AGMO: variants seen among roughly 807,000 people sequenced by gnomAD.
The protein encoded by AGMO is glyceryl-ether monooxygenase.
In AGMO, 75 loss-of-function variants were observed where a neutral mutation model predicts 60.2. That is an observed-to-expected ratio of 1.25 (90% CI 1.03 to 1.51). The LOEUF (loss-of-function observed/expected upper bound fraction) is 1.51. AGMO is among the 40% of genes most tolerant of loss of function. The pLI, the probability that AGMO is intolerant of heterozygous loss-of-function variation, is 0.00. For synonymous variants in AGMO, 261 were observed against 177.1 expected, an observed-to-expected ratio of 1.47 and a Z score of -3.76; for missense variants, 763 against 525.5, an observed-to-expected ratio of 1.45 and a Z score of -4.42.
At chr7:15,124,396 A>G in the AGMO span, among the ~76,000 whole-genome samples, 8 of 151,946 alleles carry the variant, frequency 5.3e-5, no homozygotes, top group Non-Finnish European at 1.2e-4. Flanking sequence ...TATCACGGCA[A>G]TAGAATTTTC....
chr7:15,360,397 T>C (rs1335174108), intron 12 of AGMO, among the ~76,000 whole-genome samples: 1 of 152,212 alleles, frequency 6.6e-6, no homozygotes, highest in Non-Finnish European at 1.5e-5. Flanking sequence ...AATCACCTAC[T>C]GTTGACCAGA....
chr7:15,159,547 C>T, the AGMO span, among the ~76,000 whole-genome samples: 2 of 152,100 alleles, frequency 1.3e-5, no homozygotes, highest in African/African-American at 4.8e-5. Context: ...TCTGTCATTG[C>T]CTTTCCTAGG....
intron 3 of AGMO, among the ~76,000 whole-genome samples, chr7:15,507,974 T>A (rs922566661): frequency 6.6e-6 from 1 of 152,042 alleles, no homozygotes; most frequent in South Asian, 2.1e-4. Flanking sequence ...CTCACTTTTG[T>A]CATTGTTAAA....
At chr7:15,380,612 A>AT (rs1402180443) in intron 10 of AGMO, among the ~76,000 whole-genome samples, 2 of 152,148 alleles carry the variant, frequency 1.3e-5, no homozygotes, top group Non-Finnish European at 2.9e-5. Flanking sequence ...AATCAATGCT[A>AT]TGCTTATTAA....
intron 5 of AGMO, among the ~76,000 whole-genome samples, chr7:15,415,677 A>G (rs1470439392): frequency 6.6e-6 from 1 of 152,236 alleles, no homozygotes; most frequent in Non-Finnish European, 1.5e-5. Flanking sequence ...TTAAGATAAA[A>G]CAAAGGTAAT....
chr7:15,397,385 C>T (rs936974612), intron 5 of AGMO, among the ~76,000 whole-genome samples: 8 of 151,964 alleles, frequency 5.3e-5, no homozygotes, highest in African/African-American at 1.4e-4. Flanking sequence ...ACCTCTCTCT[C>T]CCTCCACACC....
intron 12 of AGMO, among the ~76,000 whole-genome samples, chr7:15,269,691 T>A (rs569495558): frequency 7.9e-5 from 12 of 152,054 alleles, no homozygotes; most frequent in Non-Finnish European, 1.3e-4. Flanking sequence ...GGATTGGGCT[T>A]CTAGTGTATC....
chr7:15,415,010 T>A (rs1183001005), intron 5 of AGMO, among the ~76,000 whole-genome samples: 1 of 152,134 alleles, frequency 6.6e-6, no homozygotes, highest in East Asian at 1.9e-4. Context: ...AGAATAATGG[T>A]AAAAGTTAAA....
At chr7:15,473,233 T>C (rs1161588506) in intron 3 of AGMO, among the ~76,000 whole-genome samples, 1 of 151,708 alleles carries the variant, frequency 6.6e-6, no homozygotes, top group Non-Finnish European at 1.5e-5. Flanking sequence ...CAAAAGCAAG[T>C]TCTGAAATTG....
chr7:15,399,714 T>G (rs1583511039), intron 5 of AGMO, among the ~76,000 whole-genome samples: 1 of 152,104 alleles, frequency 6.6e-6, no homozygotes, highest in Admixed American at 6.6e-5. Context: ...GAAGAAGAGT[T>G]AAATATAAAA....
intron 12 of AGMO, among the ~76,000 whole-genome samples, chr7:15,212,528 G>C (rs973515182): frequency 6.6e-6 from 1 of 151,702 alleles, no homozygotes; most frequent in South Asian, 2.1e-4. Context: ...TTATAATGTT[G>C]TCATTCAATG....
chr7:15,313,835 T>C (rs532872673), intron 12 of AGMO, among the ~76,000 whole-genome samples: 102 of 152,190 alleles, frequency 6.7e-4, no homozygotes, highest in Admixed American at 3.0e-3. Flanking sequence ...AGTACAATTA[T>C]AGCAATGTTC....
intron 12 of AGMO, among the ~76,000 whole-genome samples, chr7:15,237,337 G>A (rs1271346393): frequency 6.6e-6 from 1 of 152,134 alleles, no homozygotes; most frequent in African/African-American, 2.4e-5. Flanking sequence ...TAGCACAAAG[G>A]AAGGTAAGAA....
At chr7:15,471,525 G>A (rs946391112) in intron 3 of AGMO, among the ~76,000 whole-genome samples, 27 of 151,976 alleles carry the variant, frequency 1.8e-4, no homozygotes, top group South Asian at 8.3e-4. Flanking sequence ...AGGGCATAGA[G>A]GAGAATCTGT....
intron 12 of AGMO, among the ~76,000 whole-genome samples, chr7:15,249,027 TA>T (rs1374416929): frequency 1.3e-5 from 2 of 152,140 alleles, no homozygotes; most frequent in Non-Finnish European, 2.9e-5. Context: ...TTCCAATATT[TA>T]AAGACACCAA....
intron 3 of AGMO, among the ~76,000 whole-genome samples, chr7:15,492,476 G>A (rs934446315): frequency 1.1e-4 from 17 of 151,742 alleles, no homozygotes; most frequent in Non-Finnish European, 2.5e-4. Context: ...TTCTAGAATT[G>A]CAGGTTCCAA....
At chr7:15,356,874 G>A (rs1384813184) in intron 12 of AGMO, among the ~76,000 whole-genome samples, 14 of 150,204 alleles carry the variant, frequency 9.3e-5, no homozygotes, top group South Asian at 2.1e-4. Context: ...TTGGGAGGCC[G>A]AGACAGGCAG....
intron 3 of AGMO, among the ~76,000 whole-genome samples, chr7:15,531,791 G>C (rs931891684): frequency 3.3e-5 from 5 of 150,496 alleles, no homozygotes. Context: ...CATCCAAGTA[G>C]CTGGGATTAT....
At chr7:15,327,762 T>C (rs1490160461) in intron 12 of AGMO, among the ~76,000 whole-genome samples, 1 of 66,352 alleles carries the variant, frequency 1.5e-5, no homozygotes, top group African/African-American at 5.9e-5. Context: ...TTTTTTTTTT[T>C]TTTGAGACAA....
Sources: allele counts gnomAD v4.1 joint callset (sites outside exome capture counted in the v4.1 genomes callset), GRCh38; gene constraint gnomAD v4.1.1; transcripts MANE v1.5; gene names NCBI Gene and HGNC (gene_info 2026-07-23, HGNC 2026-07-21).